The following ACVR1 variants were observed in gnomAD, a reference collection of about 807,000 sequenced individuals.
ACVR1 encodes the protein activin A receptor type 1.
In ACVR1, 38 loss-of-function variants were observed where a neutral mutation model predicts 57.1. That is an observed-to-expected ratio of 0.67 (90% CI 0.51 to 0.87). The LOEUF is 0.87. Ranked by LOEUF, ACVR1 falls within the 40% of genes least tolerant of loss-of-function variation. The probability of loss-of-function intolerance (pLI) is 0.00; values close to 1 mark genes in which losing one functional copy is unlikely to be tolerated. For missense variants in ACVR1, 463 were observed against 638.2 expected (o/e 0.73, Z 2.96); for synonymous variants, 212 against 228.1 (o/e 0.93, Z 0.63).
chr2:157,867,520 A>T (rs931024171), intron 1 of ACVR1, among the ~76,000 whole-genome samples: 6 of 152,182 alleles, frequency 3.9e-5, no homozygotes, highest in African/African-American at 1.4e-4. Context: ...CACAGCACAC[A>T]CATCTCCCTC....
At chr2:157,747,222 C>T (rs1685001793) in intron 9 of ACVR1, among the ~76,000 whole-genome samples, 1 of 152,070 alleles carries the variant, frequency 6.6e-6, no homozygotes, top group Non-Finnish European at 1.5e-5. Context: ...ATGAAATAGG[C>T]ACATCACACC....
intron 7 of ACVR1, among the ~76,000 whole-genome samples, chr2:157,767,253 A>G (rs1685899672): frequency 6.6e-6 from 1 of 152,078 alleles, no homozygotes; most frequent in African/African-American, 2.4e-5. Flanking sequence ...CGCTGGTCTC[A>G]AACTCCTGAC....
chr2:157,822,204 T>G (rs1462415843), intron 1 of ACVR1, among the ~76,000 whole-genome samples: 1 of 152,216 alleles, frequency 6.6e-6, no homozygotes, highest in Non-Finnish European at 1.5e-5. Context: ...AGCAAGAACA[T>G]GGACTTAGGA....
chr2:157,750,116 C>T (rs541889579), intron 9 of ACVR1, among the ~76,000 whole-genome samples: 23 of 152,336 alleles, frequency 1.5e-4, no homozygotes, highest in Admixed American at 5.9e-4. Flanking sequence ...CTGAGCATGC[C>T]TCCTGGGGAC....
chr2:157,770,610 T>A, intron 6 of ACVR1, 96 bp from the exon 7 acceptor site: 1 of 1,227,196 alleles, frequency 8.1e-7, no homozygotes, highest in Non-Finnish European at 1.2e-6. Context: ...ATGCAACTCT[T>A]AATCCCTCCA....
intron 1 of ACVR1, among the ~76,000 whole-genome samples, chr2:157,867,917 G>C (rs1316934957): frequency 1.3e-5 from 2 of 152,086 alleles, no homozygotes; most frequent in Non-Finnish European, 2.9e-5. Flanking sequence ...GAGTGTGAGT[G>C]AGCATTAAAT....
intron 1 of ACVR1, among the ~76,000 whole-genome samples, chr2:157,854,957 T>C (rs895321387): frequency 4.0e-5 from 6 of 151,752 alleles, no homozygotes; most frequent in Non-Finnish European, 4.4e-5. Flanking sequence ...AAGAATCGCT[T>C]GAACCCGGGA....
At chr2:157,844,908 T>C (rs1001585660) in intron 1 of ACVR1, among the ~76,000 whole-genome samples, 15 of 152,156 alleles carry the variant, frequency 9.9e-5, no homozygotes, top group Non-Finnish European at 1.8e-4. Flanking sequence ...GGTGCCATCT[T>C]TGAAGCAGAG....
chr2:157,827,071 C>G (rs539675741), intron 1 of ACVR1, among the ~76,000 whole-genome samples: 1 of 152,134 alleles, frequency 6.6e-6, no homozygotes, highest in South Asian at 2.1e-4. Flanking sequence ...GGCTAAATTT[C>G]TACCCTAGGC....
At chr2:157,834,694 A>G (rs1334309951) in intron 1 of ACVR1, among the ~76,000 whole-genome samples, 1 of 152,162 alleles carries the variant, frequency 6.6e-6, no homozygotes, top group Non-Finnish European at 1.5e-5. Flanking sequence ...GTATATGACT[A>G]TATCTATTCA....
intron 3 of ACVR1, among the ~76,000 whole-genome samples, chr2:157,797,484 T>C (rs2105303528): frequency 1.3e-5 from 2 of 152,274 alleles, no homozygotes; most frequent in South Asian, 4.1e-4. Flanking sequence ...ACTTGTAAAA[T>C]AAAGTGGGCA....
At chr2:157,773,111 G>A (rs1271310784) in intron 6 of ACVR1, among the ~76,000 whole-genome samples, 1 of 152,220 alleles carries the variant, frequency 6.6e-6, no homozygotes, top group Admixed American at 6.5e-5. Context: ...ATGAGCACTA[G>A]GAGGAGGGTG....
At chr2:157,803,909 ATT>A (rs138771390) in intron 2 of ACVR1, among the ~76,000 whole-genome samples, 12 of 149,538 alleles carry the variant, frequency 8.0e-5, no homozygotes, top group African/African-American at 2.7e-4. Flanking sequence ...ATACTACCTT[ATT>A]TTTTTTTTAT....
intron 1 of ACVR1, among the ~76,000 whole-genome samples, chr2:157,867,859 C>T (rs1043056125): frequency 5.9e-5 from 9 of 152,086 alleles, no homozygotes; most frequent in Non-Finnish European, 1.0e-4. Context: ...CCTCTCTATG[C>T]CTCAGTTTCT....
chr2:157,866,387 C>T (rs12475589), intron 1 of ACVR1, among the ~76,000 whole-genome samples: 148,654 of 152,200 alleles, frequency 0.98, 72,697 homozygotes, highest in East Asian at 1. Context: ...GAGGTGGACA[C>T]AGCTGATTAA....
chr2:157,788,561 C>T (rs750386965), intron 3 of ACVR1, among the ~76,000 whole-genome samples: 1 of 152,118 alleles, frequency 6.6e-6, no homozygotes, highest in African/African-American at 2.4e-5. Flanking sequence ...AGTGGTGATG[C>T]CAGCCTATTG....
intron 3 of ACVR1, among the ~76,000 whole-genome samples, chr2:157,797,503 T>C (rs1234385145): frequency 6.6e-6 from 1 of 152,224 alleles, no homozygotes; most frequent in African/African-American, 2.4e-5. Context: ...CACTGCTCAA[T>C]GTGCAATAGA....
intron 3 of ACVR1, among the ~76,000 whole-genome samples, chr2:157,792,234 A>C (rs995828637): frequency 6.6e-6 from 1 of 151,874 alleles, no homozygotes; most frequent in African/African-American, 2.4e-5. Flanking sequence ...TCCTCCCCAC[A>C]TCCCATATAC....
At chr2:157,834,391 C>A (rs543911601) in intron 1 of ACVR1, among the ~76,000 whole-genome samples, 6 of 152,102 alleles carry the variant, frequency 3.9e-5, no homozygotes, top group Non-Finnish European at 8.8e-5. Context: ...CCATGCCCAG[C>A]CTGGTAATTT....
Sources: allele counts gnomAD v4.1 joint callset (sites outside exome capture counted in the v4.1 genomes callset), GRCh38; gene constraint gnomAD v4.1.1; transcripts MANE v1.5; gene names NCBI Gene and HGNC (gene_info 2026-07-23, HGNC 2026-07-21).